Variants in PATJ observed in about 807,000 individuals in gnomAD.
The protein encoded by PATJ is PATJ crumbs cell polarity complex component.
Under a neutral mutation model 224.9 loss-of-function variants are expected in PATJ, and 190 were observed. The observed-to-expected ratio is 0.84, with a 90% CI of 0.75 to 0.95. PATJ has a LOEUF of 0.95. Among genes scored for constraint, PATJ ranks in the 40% least tolerant of loss-of-function variants. PATJ has a pLI of 0.00. For missense variants in PATJ, 2,121 were observed against 2,270.3 expected, an observed-to-expected ratio of 0.93 and a Z score of 1.34; for synonymous variants, 769 against 820.3, an observed-to-expected ratio of 0.94 and a Z score of 1.07.
At position 61,899,598 on chromosome 1, in the gene PATJ, A is replaced by G. The variant is rs1332227674; in HGVS notation, c.3147A>G (p.Arg1049=). The change falls in exon 23 of 44, where the codon AGA becomes AGG. Residue 1049 remains arginine (R), a synonymous_variant. Transcript: ENST00000642238. ...YATDTCELPE[R]EEGEGEETPN... is the part of the protein sequence containing the mutation. The stretch of plus-strand genomic sequence containing the variant: ...CCCTCTGTAGTGAGTTACCTGAGAG[A>G]GAAGAAGGCGAAGGAGAAGAAACTC... 6.2e-7 allele frequency: 1 copy of G among 1,609,826 alleles called. No individual in the cohort carries two copies. The highest frequency in any genetic ancestry group is 2.2e-5 in the East Asian group (1 of 44,708).
intron 16 of PATJ, among the ~76,000 whole-genome samples, chr1:61,831,582 C>T (rs1459092179): frequency 3.9e-5 from 6 of 152,152 alleles, no homozygotes; most frequent in African/African-American, 2.4e-5. Flanking sequence ...TGAAAAAATG[C>T]TTAATAGCAC....
chr1:61,858,121 C>T (rs1663983575), intron 18 of PATJ, among the ~76,000 whole-genome samples: 1 of 152,116 alleles, frequency 6.6e-6, no homozygotes. Context: ...ACAGCCTGTA[C>T]AGGAAGCATG....
At chr1:61,892,610 G>T (rs959227881) in intron 22 of PATJ, among the ~76,000 whole-genome samples, 2 of 152,044 alleles carry the variant, frequency 1.3e-5, no homozygotes, top group Non-Finnish European at 2.9e-5. Flanking sequence ...GAAAAATTTG[G>T]TTATAAATCT....
Position 61,939,676 on chromosome 1 carries a change from C to CTTTTTT in PATJ, c.3670+11868_3670+11873dup, listed in dbSNP as rs71050183. Among the ~76,000 whole-genome samples the CTTTTTT allele has an allele frequency of 3.8e-3, 223 of 58,872 alleles. 50 individuals are homozygous for CTTTTTT. Among genetic ancestry groups the CTTTTTT allele is most frequent in the African/African-American group, 0.02 (217 of 10,682 alleles). The allele number at this position is 58,872 out of a possible 152,430, so 38.6% of individuals were successfully genotyped here. On this transcript the variant is annotated intron_variant, in intron 27 of 43. Coordinates refer to ENST00000642238, the MANE Select transcript of PATJ (RefSeq NM_001350145.3). Reference sequence around the variant, plus strand: ...AGCATGTATAAAAAGTTTCTATGTGCTTTTTTTTTTTTTTTTTTTTTTTTT... The same window carrying CTTTTTT: ...AGCATGTATAAAAAGTTTCTATGTGCTTTTTTTTTTTTTTTTTTTTTTTTTTTTTTT...
chr1:61,985,144 T>C (rs1268143350), intron 27 of PATJ, among the ~76,000 whole-genome samples: 1 of 152,050 alleles, frequency 6.6e-6, no homozygotes, highest in Admixed American at 6.5e-5. Flanking sequence ...AAATCCCATC[T>C]CTACTAAAAC....
chr1:62,153,348 G>A lies in PATJ; in HGVS notation c.5379-10G>A, dbSNP rs921170817. On this transcript the variant is annotated splice_polypyrimidine_tract_variant and intron_variant, in intron 42 of 43. Coordinates refer to ENST00000642238, the MANE Select transcript of PATJ (RefSeq NM_001350145.3). ...ATTCTCGAATTAAACAGCATGCATT[G>A]TGTTTTCAGAACACCTCCACCTAAG... 5 of 1,230,448 alleles carry A rather than the reference G, an allele frequency of 4.1e-6. No homozygotes were observed. Among genetic ancestry groups the A allele is most frequent in the Non-Finnish European group, 5.1e-6 (5 of 986,594 alleles). 76.2% of individuals were successfully genotyped at this position (1,230,448 alleles called of 1,614,324 possible).
At chr1:62,017,729 CAAAA>C (rs58692636) in intron 28 of PATJ, 123 bp from the exon 29 acceptor site, 582 of 322,808 alleles carry the variant, frequency 1.8e-3, no homozygotes, top group South Asian at 2.5e-3. Context: ...GAGACTGTCT[CAAAA>C]AAAAAAAAAA....
Position 62,148,535 on chromosome 1 carries a change from A to C in PATJ, c.5378+145A>C. ...ATTCTAGGGAATCCTTATTTCTCAC[A>C]AGGCTTAATTCCACCACATGAGTTC... On this transcript the variant is annotated intron_variant, in intron 42 of 43. Coordinates refer to ENST00000642238, the MANE Select transcript of PATJ (RefSeq NM_001350145.3). 2 of 641,486 alleles carry C rather than the reference A, an allele frequency of 3.1e-6. 1 individual carries two copies. Among genetic ancestry groups the C allele is most frequent in the Non-Finnish European group, 5.7e-6 (2 of 352,154 alleles). 39.7% of individuals were successfully genotyped at this position (641,486 alleles called of 1,614,324 possible).
intron 17 of PATJ, among the ~76,000 whole-genome samples, chr1:61,836,229 T>C (rs1660158319): frequency 6.6e-6 from 1 of 152,212 alleles, no homozygotes; most frequent in Non-Finnish European, 1.5e-5. Context: ...GTATGTATTG[T>C]AACTTCTATT....
chr1:61,982,966 T>G (rs1014017474), intron 27 of PATJ, among the ~76,000 whole-genome samples: 1 of 152,036 alleles, frequency 6.6e-6, no homozygotes, highest in Non-Finnish European at 1.5e-5. Context: ...CTTTACCTCT[T>G]TAGTCTATAG....
At chr1:61,927,082 T>C (rs1356769135) in intron 26 of PATJ, among the ~76,000 whole-genome samples, 1 of 152,204 alleles carries the variant, frequency 6.6e-6, no homozygotes, top group African/African-American at 2.4e-5. Context: ...TCTACTTTAA[T>C]TGTGTGTATG....
At chr1:62,134,986 G>T (rs1016648108) in intron 41 of PATJ, among the ~76,000 whole-genome samples, 5 of 102,706 alleles carry the variant, frequency 4.9e-5, no homozygotes, top group Non-Finnish European at 9.9e-5. Context: ...TGCAGAGCAG[G>T]CGCGTCATGG....
At chr1:61,942,356 C>T (rs543776827) in intron 27 of PATJ, among the ~76,000 whole-genome samples, 38 of 152,186 alleles carry the variant, frequency 2.5e-4, no homozygotes, top group African/African-American at 8.9e-4. Context: ...TGAAATGATA[C>T]TTCACCAAAG....
At chr1:61,784,196 T>C (rs1188593557) in intron 7 of PATJ, among the ~76,000 whole-genome samples, 9 of 152,258 alleles carry the variant, frequency 5.9e-5, no homozygotes, top group Admixed American at 5.2e-4. Context: ...AAAACTTTTA[T>C]ATGTGAATGT....
chr1:61,789,993 G>A (rs1649436824), intron 8 of PATJ, among the ~76,000 whole-genome samples: 1 of 152,074 alleles, frequency 6.6e-6, no homozygotes, highest in African/African-American at 2.4e-5. Context: ...TAAGTATTAT[G>A]TATTTAGACA....
chr1:62,082,798 A>C (rs1570504676), intron 32 of PATJ, among the ~76,000 whole-genome samples: 1 of 152,122 alleles, frequency 6.6e-6, no homozygotes, highest in South Asian at 2.1e-4. Flanking sequence ...ATTTTTTTTC[A>C]AGCTTTTGAA....
intron 31 of PATJ, among the ~76,000 whole-genome samples, chr1:62,054,552 AC>A (rs778519421): frequency 3.9e-5 from 6 of 152,296 alleles, no homozygotes; most frequent in Non-Finnish European, 8.8e-5. Flanking sequence ...GGGGGAAATA[AC>A]TTTTTTGTAG....
intron 7 of PATJ, among the ~76,000 whole-genome samples, chr1:61,778,744 A>G (rs566854370): frequency 6.6e-6 from 1 of 152,246 alleles, no homozygotes; most frequent in East Asian, 1.9e-4. Context: ...TCTGTTGCCC[A>G]GGCTGGAGTG....
chr1:61,750,722 G>A (rs1334402439), intron 1 of PATJ, among the ~76,000 whole-genome samples: 1 of 151,978 alleles, frequency 6.6e-6, no homozygotes, highest in Non-Finnish European at 1.5e-5. Context: ...ATACAAGCAT[G>A]AGCCACCACG....
Sources: allele counts gnomAD v4.1 joint callset (sites outside exome capture counted in the v4.1 genomes callset), GRCh38; gene constraint gnomAD v4.1.1; transcripts MANE v1.5; gene names NCBI Gene and HGNC (gene_info 2026-07-23, HGNC 2026-07-21).